Variants in SYNGR3 observed in about 807,000 individuals in gnomAD.
The protein encoded by SYNGR3 is synaptogyrin 3, also known as synaptogyrin-3.
SYNGR3 carries 10 observed loss-of-function variants against 18.5 expected under a neutral mutation model. The observed-to-expected ratio is 0.54, with a 90% confidence interval of 0.33 to 0.92. SYNGR3 has a LOEUF of 0.92. Ranked by LOEUF, SYNGR3 falls within the 40% of genes least tolerant of loss-of-function variation. SYNGR3 has a pLI of 0.02. For synonymous variants in SYNGR3, 188 were observed against 157.2 expected (o/e 1.20, Z -1.47); for missense variants, 335 against 332.8 (o/e 1.01, Z -0.05).
At position 1,992,713 on chromosome 16, in the gene SYNGR3, A is replaced by G. The variant is rs112031979; in HGVS notation, c.415A>G (p.Thr139Ala). 8 of 1,599,248 alleles carry G rather than the reference A, an allele frequency of 5.0e-6. No homozygotes were observed. The change falls in exon 3 of 4, where the codon ACG (threonine) becomes GCG (alanine). Residue 139 changes from threonine to alanine, a missense_variant. Thr to Ala is a moderately conservative substitution (Grantham distance 58). Transcript: ENST00000248121. ...QWQRTAPGPA[T>A]TQAGDAARAA... ...GCAGCGCACGGCGCCAGGGCCGGCC[A>G]CGACGCAGGCGGGGGACGCGGCGCG... is the stretch of plus-strand genomic sequence containing the variant.
chr16:1,992,338 G>T, intron 2 of SYNGR3, 127 bp downstream of exon 2: 1 of 661,244 alleles, frequency 1.5e-6, no homozygotes, highest in East Asian at 4.3e-5. Context: ...GGGGACTGAG[G>T]CAGGGAGTGT....
chr16:1,991,892 A>ACAGG, intron 1 of SYNGR3, 82 bp from the exon 2 acceptor site: 1 of 1,233,632 alleles, frequency 8.1e-7, no homozygotes, highest in Non-Finnish European at 1.1e-6. Context: ...GAACGCAGGG[A>ACAGG]CAGGCCCAGG....
rs756124331 is a variant in SYNGR3, at chr16:1,992,190, T to G, written c.316T>G (p.Leu106Val). 7.1e-7 allele frequency: 1 copy of G among 1,399,942 alleles called. No homozygotes were observed. The highest frequency in any genetic ancestry group is 1.5e-5 in the African/African-American group (1 of 65,308). 86.7% of individuals were successfully genotyped at this position (1,399,942 alleles called of 1,614,324 possible). A position where few individuals can be genotyped will look rare whatever the true frequency, so the allele number is the denominator to read the frequency against. ...SSVRDRRRAV[L>V]LDLGFSGLWS... is the part of the protein sequence containing the mutation. ...CGTCCGCGACCGCCGGCGCGCGGTGTTGCTGGACCTGGGCTTCTCAGGTGG... is the reference window on the plus strand; with the variant it reads ...CGTCCGCGACCGCCGGCGCGCGGTGGTGCTGGACCTGGGCTTCTCAGGTGG... Residue 106 changes from leucine (L) to valine (V), a missense_variant, in exon 2 of 4, where the codon TTG (leucine) becomes GTG (valine). Transcript: ENST00000248121.
Position 1,990,194 on chromosome 16 carries a change from C to A in SYNGR3, c.92C>A (p.Ala31Glu). 1 of 1,280,706 alleles carries A rather than the reference C, an allele frequency of 7.8e-7. No individual in the cohort carries two copies. The highest frequency in any genetic ancestry group is 2.4e-5 in the South Asian group (1 of 40,888). 79.3% of individuals were successfully genotyped at this position (1,280,706 alleles called of 1,614,324 possible). A position where few individuals can be genotyped will look rare whatever the true frequency, so the allele number is the denominator to read the frequency against. ...ARRPQTLLRV[A>E]SWVFSIAVFG... The stretch of plus-strand genomic sequence containing the variant: ...CGGCCCCAGACCCTGCTCCGGGTCG[C>A]GTCCTGGGTGAGTGGTCCCTGCCCG... The change falls in exon 1 of 4, where the codon GCG (alanine) becomes GAG (glutamate). Residue 31 changes from alanine to glutamate, a missense_variant. Ala to Glu is a moderately radical substitution (Grantham distance 107). Coordinates refer to ENST00000248121, the MANE Select transcript of SYNGR3 (RefSeq NM_004209.6).
At position 1,992,219 on chromosome 16, in the gene SYNGR3, G is replaced by A; in HGVS notation, c.337+8G>A. The stretch of plus-strand genomic sequence containing the variant: ...TGGACCTGGGCTTCTCAGGTGGGCG[G>A]GGCCGGGGCGGTGAGCGCGGAGAGC... On this transcript the variant is annotated splice_region_variant and intron_variant, in intron 2 of 3. Coordinates refer to ENST00000248121, the MANE Select transcript of SYNGR3 (RefSeq NM_004209.6). 1 of 1,368,570 alleles carries A rather than the reference G, an allele frequency of 7.3e-7. No individual in the cohort carries two copies. Among genetic ancestry groups the A allele is most frequent in the Non-Finnish European group, 9.4e-7 (1 of 1,065,032 alleles). The allele number at this position is 1,368,570 out of a possible 1,614,324, so 84.8% of individuals were successfully genotyped here. A position where few individuals can be genotyped will look rare whatever the true frequency, so the allele number is the denominator to read the frequency against.
In SYNGR3 at chr16:1,992,201, GGGCTTCTC is replaced by G. The variant is rs2083607809; in HGVS notation, c.328_335del (p.Gly110ArgfsTer195). 7.2e-7 allele frequency: 1 copy of G among 1,397,102 alleles called. No homozygotes were observed. The highest frequency in any genetic ancestry group is 9.3e-7 in the Non-Finnish European group (1 of 1,079,404). 86.5% of individuals were successfully genotyped at this position (1,397,102 alleles called of 1,614,324 possible). ...GCCGGCGCGCGGTGTTGCTGGACCT[GGGCTTCTC>G]AGGTGGGCGGGGCCGGGGCGGTGAG... On this transcript the variant is annotated frameshift_variant and splice_region_variant, in exon 2 of 4. Transcript: ENST00000248121. LOFTEE classifies it high-confidence loss of function.
Position 1,990,125 on chromosome 16 carries a change from C to A in SYNGR3, c.23C>A (p.Ala8Glu). The A allele has an allele frequency of 8.2e-7, 1 of 1,220,228 alleles. No individual in the cohort carries two copies. The highest frequency in any genetic ancestry group is 1.0e-6 in the Non-Finnish European group (1 of 979,946). The allele number at this position is 1,220,228 out of a possible 1,614,324, so 75.6% of individuals were successfully genotyped here. A position where few individuals can be genotyped will look rare whatever the true frequency, so the allele number is the denominator to read the frequency against. ...GCCATGGAGGGCGCCTCCTTCGGCGCGGGCCGCGCAGGGGCCGCCCTGGAC... is the reference window on the plus strand; with the variant it reads ...GCCATGGAGGGCGCCTCCTTCGGCGAGGGCCGCGCAGGGGCCGCCCTGGAC... MEGASFG[A>E]GRAGAALDPV... The change falls in exon 1 of 4, where the codon GCG becomes GAG. Residue 8 changes from alanine to glutamate, a missense_variant. Ala to Glu is a moderately radical substitution (Grantham distance 107). Transcript: ENST00000248121.
rs749778986 is a variant in SYNGR3, at chr16:1,992,778, G to C, written c.480G>C (p.Trp160Cys). 3.7e-5 allele frequency: 57 copies of C among 1,553,800 alleles called. No individual in the cohort carries two copies. The highest frequency in any genetic ancestry group is 4.9e-5 in the Non-Finnish European group (56 of 1,154,558). Residue 160 changes from tryptophan to cysteine, a missense_variant and splice_region_variant, in exon 3 of 4, where the codon TGG becomes TGC. Coordinates refer to ENST00000248121, the MANE Select transcript of SYNGR3 (RefSeq NM_004209.6). The stretch of plus-strand genomic sequence containing the variant: ...TCAGCTTCTTCTCCATCCTCAGCTG[G>C]GTGAGTGCGGGGCCCGGGAGGGCGG... Reference protein sequence around the residue: ...IAFSFFSILSWVALTVKALQR... With the variant: ...IAFSFFSILSCVALTVKALQR...
chr16:1,990,923 C>T (rs948823799), intron 1 of SYNGR3, among the ~76,000 whole-genome samples: 62 of 152,238 alleles, frequency 4.1e-4, no homozygotes, highest in Non-Finnish European at 1.3e-4. Flanking sequence ...GCTTTGGCCT[C>T]CCCTGCGGAG....
chr16:1,992,526 G>A, intron 2 of SYNGR3, 110 bp from the exon 3 acceptor site: 2 of 1,371,550 alleles, frequency 1.5e-6, no homozygotes, highest in Non-Finnish European at 1.9e-6. Context: ...CACGCGGCGA[G>A]CCCAGGCGAG....
chr16:1,992,138 C>T lies in SYNGR3; in HGVS notation c.264C>T (p.Leu88=). The change falls in exon 2 of 4, where the codon CTC becomes CTT. Residue 88 remains leucine, a synonymous_variant. Transcript: ENST00000248121. The part of the protein sequence containing the change: ...AFLACAAFLL[L]DVRFQQISSV... ...TCGCCTGCGCCGCCTTCCTGCTGCT[C>T]GATGTGCGCTTCCAGCAAATCAGCA... 6.5e-7 allele frequency: 1 copy of T among 1,534,854 alleles called. No homozygotes were observed. The highest frequency in any genetic ancestry group is 2.0e-5 in the Admixed American group (1 of 50,780).
Position 1,991,718 on chromosome 16 carries a change from T to G in SYNGR3, c.100-256T>G, listed in dbSNP as rs1221965863. ...AGAACAATGGCGATCCCACGGGGAC[T>G]TTCTGAGGATTTGGTGAGGGGACGC... is the stretch of plus-strand genomic sequence containing the variant. On this transcript the variant is annotated intron_variant, in intron 1 of 3. Coordinates refer to ENST00000248121, the MANE Select transcript of SYNGR3 (RefSeq NM_004209.6). 24 of 497,510 alleles carry G rather than the reference T, an allele frequency of 4.8e-5. No individual in the cohort carries two copies. The Admixed American group carries it at 9.0e-4, about 19-fold the overall frequency. The allele number at this position is 497,510 out of a possible 1,614,324, so 30.8% of individuals were successfully genotyped here. A position where few individuals can be genotyped will look rare whatever the true frequency, so the allele number is the denominator to read the frequency against.
intron 1 of SYNGR3, chr16:1,990,445 G>C (rs2083596968): frequency 2.0e-6 from 1 of 496,366 alleles, no homozygotes; most frequent in Admixed American, 3.3e-5. Context: ...GGTCACCGCC[G>C]GTCGCCTCTA....
Position 1,992,198 on chromosome 16 carries a change from C to T in SYNGR3, c.324C>T (p.Asp108=), listed in dbSNP as rs749173973. The change falls in exon 2 of 4, where the codon GAC becomes GAT. Residue 108 remains aspartate (D), a synonymous_variant. Coordinates refer to ENST00000248121, the MANE Select transcript of SYNGR3 (RefSeq NM_004209.6). Reference sequence around the variant, plus strand: ...ACCGCCGGCGCGCGGTGTTGCTGGACCTGGGCTTCTCAGGTGGGCGGGGCC... The same window carrying T: ...ACCGCCGGCGCGCGGTGTTGCTGGATCTGGGCTTCTCAGGTGGGCGGGGCC... The part of the protein sequence containing the change: ...VRDRRRAVLL[D]LGFSGLWSFL... The T allele has an allele frequency of 1.6e-6, 2 of 1,235,016 alleles. No homozygotes were observed. Among genetic ancestry groups the T allele is most frequent in the Admixed American group, 3.7e-5 (1 of 27,262 alleles). The allele number at this position is 1,235,016 out of a possible 1,614,324, so 76.5% of individuals were successfully genotyped here.
chr16:1,992,222 C>G lies in SYNGR3; in HGVS notation c.337+11C>G. ...ACCTGGGCTTCTCAGGTGGGCGGGG[C>G]CGGGGCGGTGAGCGCGGAGAGCCTT... On this transcript the variant is annotated intron_variant, in intron 2 of 3. Coordinates refer to ENST00000248121, the MANE Select transcript of SYNGR3 (RefSeq NM_004209.6). 1 of 934,144 alleles carries G rather than the reference C, an allele frequency of 1.1e-6. No homozygotes were observed. The highest frequency in any genetic ancestry group is 1.2e-6 in the Non-Finnish European group (1 of 804,320). The allele number at this position is 934,144 out of a possible 1,614,324, so 57.9% of individuals were successfully genotyped here.
At position 1,993,066 on chromosome 16, in the gene SYNGR3, C is replaced by T; in HGVS notation, c.684C>T (p.Ala228=). Residue 228 remains alanine, a synonymous_variant, in exon 4 of 4, where the codon GCC becomes GCT. Transcript: ENST00000248121. ...DTSPKGYQVP[A]Y ...GCCCCAAAGGGTACCAGGTGCCCGC[C>T]TACTAGCGGCTGGCAGGCACAGACC... 1 of 1,609,024 alleles carries T rather than the reference C, an allele frequency of 6.2e-7. No homozygotes were observed. Among genetic ancestry groups the T allele is most frequent in the Non-Finnish European group, 8.5e-7 (1 of 1,178,518 alleles).
At chr16:1,991,449 C>G (rs950745247) in intron 1 of SYNGR3, 7 of 154,628 alleles carry the variant, frequency 4.5e-5, no homozygotes, top group African/African-American at 1.7e-4. Context: ...CCCTCCCTCC[C>G]GCCCCGCTCT....
At chr16:1,992,284 A>C in intron 2 of SYNGR3, 73 bp downstream of exon 2, 1 of 937,514 alleles carries the variant, frequency 1.1e-6, no homozygotes, top group Non-Finnish European at 1.4e-6. Context: ...CTGGGCGGGG[A>C]ACACCGCTGG....
At position 1,992,941 on chromosome 16, in the gene SYNGR3, A is replaced by G; in HGVS notation, c.559A>G (p.Thr187Ala). 6.2e-6 allele frequency: 10 copies of G among 1,610,992 alleles called. No homozygotes were observed. Among genetic ancestry groups the G allele is most frequent in the Non-Finnish European group, 8.5e-6 (10 of 1,179,316 alleles). Residue 187 changes from threonine to alanine, a missense_variant, in exon 4 of 4, where the codon ACC becomes GCC. By Grantham distance (58) the Thr-to-Ala change is moderately conservative. Coordinates refer to ENST00000248121, the MANE Select transcript of SYNGR3 (RefSeq NM_004209.6). ...MSLFATEQLS[T>A]GASQAYPGYP... ...ACTCTTCGCCACCGAACAGCTGAGC[A>G]CCGGGGCGAGCCAGGCCTACCCCGG...
Sources: allele counts gnomAD v4.1 joint callset (sites outside exome capture counted in the v4.1 genomes callset), GRCh38; gene constraint gnomAD v4.1.1; transcripts MANE v1.5; gene names NCBI Gene and HGNC (gene_info 2026-07-23, HGNC 2026-07-21).